The following EPM2A variants were observed in gnomAD, a reference collection of about 807,000 sequenced individuals.
EPM2A encodes the protein laforin.
A neutral mutation model predicts 26.5 loss-of-function variants in EPM2A; 21 were observed. The observed-to-expected ratio is 0.79, with a 90% CI of 0.56 to 1.14. EPM2A has a LOEUF of 1.14. EPM2A is among the 50% of genes most tolerant of loss of function. EPM2A has a pLI of 0.00. For synonymous variants in EPM2A, 217 were observed against 177.6 expected, an observed-to-expected ratio of 1.22 and a Z score of -1.76; for missense variants, 458 against 440.8, an observed-to-expected ratio of 1.04 and a Z score of -0.35.
intron 2 of EPM2A, among the ~76,000 whole-genome samples, chr6:145,515,666 A>T (rs936277430): frequency 2.0e-5 from 3 of 152,180 alleles, no homozygotes; most frequent in Non-Finnish European, 2.9e-5. Context: ...AAGTCCTCAC[A>T]TCCTAATAGT....
intron 2 of EPM2A, among the ~76,000 whole-genome samples, chr6:145,573,724 G>T (rs1050427719): frequency 4.6e-5 from 7 of 152,196 alleles, no homozygotes; most frequent in Admixed American, 2.6e-4. Flanking sequence ...GAGCCAATGT[G>T]GGGGTTCTGC....
chr6:145,562,217 G>GT (rs1780816650), intron 2 of EPM2A, among the ~76,000 whole-genome samples: 1 of 151,064 alleles, frequency 6.6e-6, no homozygotes, highest in African/African-American at 2.4e-5. Flanking sequence ...AGCCATTTCA[G>GT]TTTTTTGTAA....
Position 145,716,625 on chromosome 6 carries a change from C to G in EPM2A, c.301+18573G>C, listed in dbSNP as rs6927960. Among the ~76,000 whole-genome samples, 4 of 152,060 alleles carry G rather than the reference C, an allele frequency of 2.6e-5. No homozygotes were observed. In the East Asian group the frequency reaches 7.7e-4, roughly 29 times the overall value. ...CAGCCTCCTGCAGCTGCCATTCCCA[C>G]GCTCCTCACAACTGTGGCAGTCTTC... On this transcript the variant is annotated intron_variant, in intron 1 of 3. Transcript: ENST00000367519.
At chr6:145,496,499 A>G (rs895167731) in intron 4 of EPM2A, among the ~76,000 whole-genome samples, 2 of 152,016 alleles carry the variant, frequency 1.3e-5, no homozygotes, top group African/African-American at 2.4e-5. Context: ...ATAATCCCAC[A>G]TTTCTCAGAG....
chr6:145,460,808 T>C (rs1413672617), intron 4 of EPM2A, among the ~76,000 whole-genome samples: 2 of 152,150 alleles, frequency 1.3e-5, no homozygotes, highest in Admixed American at 1.3e-4. Context: ...AGAAGGAATA[T>C]TCTCCTTAAC....
intron 2 of EPM2A, among the ~76,000 whole-genome samples, chr6:145,560,313 A>C (rs1293453113): frequency 2.0e-5 from 3 of 152,184 alleles, no homozygotes; most frequent in Admixed American, 6.6e-5. Context: ...CATATGAGTC[A>C]TAGAGCATTT....
At chr6:145,623,166 A>C (rs1325714663), downstream of EPM2A, among the ~76,000 whole-genome samples, 2 of 126,396 alleles carry the variant, frequency 1.6e-5, no homozygotes, top group Non-Finnish European at 3.0e-5. Flanking sequence ...ATCACCGAAC[A>C]AAACAAAACA....
intron 2 of EPM2A, among the ~76,000 whole-genome samples, chr6:145,666,695 C>T (rs1189975295): frequency 8.9e-5 from 12 of 135,546 alleles, no homozygotes; most frequent in East Asian, 4.4e-4. Flanking sequence ...AAAAAGAGCC[C>T]GCATCGCCAA....
At chr6:145,502,076 G>A (rs1034232368) in intron 3 of EPM2A, among the ~76,000 whole-genome samples, 3 of 152,210 alleles carry the variant, frequency 2.0e-5, no homozygotes, top group Admixed American at 1.3e-4. Flanking sequence ...TGGACATTGG[G>A]AGAAACACTC....
intron 4 of EPM2A, chr6:145,463,104 C>A (rs1227664660): frequency 6.6e-6 from 1 of 152,118 alleles, no homozygotes; most frequent in Non-Finnish European, 1.5e-5. Context: ...GAATCTCACT[C>A]CCCTCTTCAC....
chr6:145,456,361 T>A (rs1046820307), intron 4 of EPM2A, among the ~76,000 whole-genome samples: 10 of 152,188 alleles, frequency 6.6e-5, no homozygotes, highest in Admixed American at 6.5e-4. Context: ...TGAAAAGACG[T>A]TTGCATGCTT....
downstream of EPM2A, among the ~76,000 whole-genome samples, chr6:145,621,403 A>C (rs1775630555): frequency 6.6e-6 from 1 of 152,238 alleles, no homozygotes; most frequent in Admixed American, 6.5e-5. Flanking sequence ...TGAACATGGA[A>C]GTGCAGAAAT....
intron 4 of EPM2A, among the ~76,000 whole-genome samples, chr6:145,449,684 A>G (rs371355238): frequency 2.2e-4 from 33 of 152,326 alleles, no homozygotes; most frequent in East Asian, 2.1e-3. Flanking sequence ...AGTGCAATCA[A>G]TGAACCTTTT....
At chr6:145,440,922 A>C (rs928933172) in intron 4 of EPM2A, among the ~76,000 whole-genome samples, 1 of 152,064 alleles carries the variant, frequency 6.6e-6, no homozygotes, top group Non-Finnish European at 1.5e-5. Flanking sequence ...CTGTCGGTGG[A>C]TCTACCATTC....
chr6:145,589,482 A>G (rs1781240810), intron 2 of EPM2A, among the ~76,000 whole-genome samples: 2 of 152,148 alleles, frequency 1.3e-5, no homozygotes, highest in South Asian at 2.1e-4. Flanking sequence ...GTCTGAAGAC[A>G]TGGTGTGCAG....
At chr6:145,579,237 C>T (rs1309387497) in intron 2 of EPM2A, among the ~76,000 whole-genome samples, 2 of 152,118 alleles carry the variant, frequency 1.3e-5, no homozygotes, top group Non-Finnish European at 2.9e-5. Context: ...AGTGCCCACC[C>T]ACATGGGTTG....
chr6:145,721,945 G>A (rs1775968544), intron 1 of EPM2A, among the ~76,000 whole-genome samples: 1 of 152,128 alleles, frequency 6.6e-6, no homozygotes, highest in Non-Finnish European at 1.5e-5. Flanking sequence ...TCTCACCTGT[G>A]AGCATGCAAC....
At chr6:145,490,844 A>G in intron 4 of EPM2A, 2 of 646,962 alleles carry the variant, frequency 3.1e-6, no homozygotes, top group Non-Finnish European at 5.8e-6. Flanking sequence ...TTCTTCTTTA[A>G]TCTGCCCTTT....
chr6:145,591,104 G>A (rs1480824826), intron 2 of EPM2A, among the ~76,000 whole-genome samples: 1 of 151,894 alleles, frequency 6.6e-6, no homozygotes, highest in African/African-American at 2.4e-5. Flanking sequence ...GTTTTTGGTG[G>A]GTCCATCAGT....
Sources: allele counts gnomAD v4.1 joint callset (sites outside exome capture counted in the v4.1 genomes callset), GRCh38; gene constraint gnomAD v4.1.1; transcripts MANE v1.5; gene names NCBI Gene and HGNC (gene_info 2026-07-23, HGNC 2026-07-21).